KARS1: variants seen among roughly 807,000 people sequenced by gnomAD.
KARS1 encodes the protein lysyl-tRNA synthetase 1, also known as lysine--tRNA ligase.
Under a neutral mutation model 63.9 loss-of-function variants are expected in KARS1, and 50 were observed. That is an observed-to-expected ratio of 0.78 (90% confidence interval 0.62 to 0.99). The LOEUF (loss-of-function observed/expected upper bound fraction) is 0.99, where lower values mean the gene tolerates loss of function less well. Ranked by LOEUF, KARS1 falls within the 50% of genes least tolerant of loss-of-function variation. The probability of loss-of-function intolerance (pLI) is 0.00; values close to 1 mark genes in which losing one functional copy is unlikely to be tolerated. For synonymous variants in KARS1, 320 were observed against 264.6 expected (o/e 1.21, Z -2.03); for missense variants, 816 against 754.5 (o/e 1.08, Z -0.95).
At chr16:75,632,721 T>C (rs562927717) in intron 7 of KARS1, among the ~76,000 whole-genome samples, 1 of 152,160 alleles carries the variant, frequency 6.6e-6, no homozygotes, top group Non-Finnish European at 1.5e-5. Flanking sequence ...AGTTGTATAG[T>C]TTCCAAGCCT....
Position 75,631,197 on chromosome 16 carries a change from G to C in KARS1, c.1309C>G (p.Pro437Ala). The change falls in exon 10 of 14, where the codon CCT (proline) becomes GCT (alanine). Residue 437 changes from proline (P) to alanine (A), a missense_variant. By Grantham distance (27) the Pro-to-Ala change is conservative. Transcript: ENST00000302445. ...CVAKAVECPP[P>A]RTTARLLDKL... ...TCAAGGAGCCTGGCTGTGGTCCGAG[G>C]TGGAGGGCATTCAACAGCTTTTGCC... 6.2e-7 allele frequency: 1 copy of C among 1,614,048 alleles called. No homozygotes were observed. The highest frequency in any genetic ancestry group is 8.5e-7 in the Non-Finnish European group (1 of 1,179,952).
chr16:75,632,844 A>T (rs2082127138), intron 7 of KARS1, among the ~76,000 whole-genome samples: 1 of 152,212 alleles, frequency 6.6e-6, no homozygotes, highest in Non-Finnish European at 1.5e-5. Context: ...AATAGTCACA[A>T]ACCTTTTGGA....
intron 1 of KARS1, 41 bp downstream of exon 1, chr16:75,647,537 C>G: frequency 6.3e-7 from 1 of 1,593,246 alleles, no homozygotes; most frequent in Non-Finnish European, 8.6e-7. Flanking sequence ...AGCCCAGACT[C>G]TCCTACCGCA....
intron 7 of KARS1, among the ~76,000 whole-genome samples, chr16:75,633,674 C>T (rs183319225): frequency 3.9e-5 from 6 of 152,206 alleles, no homozygotes; most frequent in East Asian, 3.9e-4. Flanking sequence ...CATGCCACCA[C>T]GCCCAGCTAA....
At chr16:75,639,367 T>A (rs2082197623) in intron 3 of KARS1, among the ~76,000 whole-genome samples, 2 of 151,068 alleles carry the variant, frequency 1.3e-5, no homozygotes, top group South Asian at 4.2e-4. Context: ...AGGTCAGGAG[T>A]TCGAGACCAG....
intron 8 of KARS1, 48 bp from the exon 9 acceptor site, chr16:75,631,637 T>C: frequency 6.2e-7 from 1 of 1,613,666 alleles, no homozygotes; most frequent in Non-Finnish European, 8.5e-7. Context: ...CAGGCAGCCC[T>C]CCTCTGAAAG....
chr16:75,628,227 G>A lies in KARS1; in HGVS notation c.1696-234C>T, dbSNP rs139697087. Among the ~76,000 whole-genome samples, 347 of 152,294 alleles carry A rather than the reference G, an allele frequency of 2.3e-3. 1 individual carries two copies. Among genetic ancestry groups the A allele is most frequent in the African/African-American group, 8.0e-3 (332 of 41,560 alleles). ...CACTATGTCAAAAGGATGAATAGAC[G>A]CATTTCTATGAAAATTTGATTTCCT... On this transcript the variant is annotated intron_variant, in intron 13 of 13. Transcript: ENST00000302445.
Position 75,646,332 on chromosome 16 carries a change from C to G in KARS1, c.62+1246G>C, listed in dbSNP as rs573575716. Among the ~76,000 whole-genome samples, 24 of 152,158 alleles carry G rather than the reference C, an allele frequency of 1.6e-4. No homozygotes were observed. In the South Asian group the frequency reaches 4.6e-3, roughly 29 times the overall value. ...CCAAGGTGGGCGGATCACAAGGTAA[C>G]GAGATTGAGACCATCCTGCCCAACA... is the stretch of plus-strand genomic sequence containing the variant. On this transcript the variant is annotated intron_variant, in intron 1 of 13. Transcript: ENST00000302445.
intron 10 of KARS1, among the ~76,000 whole-genome samples, 167 bp from the exon 11 acceptor site, chr16:75,630,675 G>A (rs376963632): frequency 9.9e-5 from 15 of 151,734 alleles, no homozygotes; most frequent in African/African-American, 3.4e-4. Context: ...TCGCTCTGTC[G>A]CCCAGGCTGG....
intron 1 of KARS1, among the ~76,000 whole-genome samples, chr16:75,646,077 A>T (rs1343665151): frequency 6.6e-6 from 1 of 152,160 alleles, no homozygotes; most frequent in Admixed American, 6.5e-5. Flanking sequence ...AGTCAAGTCA[A>T]TTTTCTCTAA....
At chr16:75,631,338 C>G in intron 9 of KARS1, 78 bp downstream of exon 9, 1 of 1,582,646 alleles carries the variant, frequency 6.3e-7, no homozygotes, top group Non-Finnish European at 8.7e-7. Context: ...GTGGGAAATT[C>G]TAGCTCTGAC....
At chr16:75,630,305 C>A in intron 11 of KARS1, 118 bp downstream of exon 11, 1 of 707,412 alleles carries the variant, frequency 1.4e-6, no homozygotes, top group Admixed American at 2.0e-5. Flanking sequence ...CTTGGGTTAC[C>A]CTGGTCAACA....
Position 75,642,185 on chromosome 16 carries a change from CTTTTTTTTTTTTTTTTTTT to C in KARS1, c.63-481_63-463del, listed in dbSNP as rs148991591. On this transcript the variant is annotated intron_variant, in intron 1 of 13. Transcript: ENST00000302445. ...AGGTGAAGTTCCAACAGTGCCAGGT[CTTTTTTTTTTTTTTTTTTT>C]TTTTTTTTTTTTTTTATGAGACAGA... 3.5e-4 allele frequency among the ~76,000 whole-genome samples: 22 copies of C among 63,194 alleles called. No homozygotes were observed. The South Asian group carries it at 6.0e-3, about 17-fold the overall frequency. The allele number at this position is 63,194 out of a possible 152,430, so 41.5% of individuals were successfully genotyped here.
chr16:75,639,346 T>G lies in KARS1; in HGVS notation c.388+838A>C, dbSNP rs1186128062. On this transcript the variant is annotated intron_variant, in intron 3 of 13. Coordinates refer to ENST00000302445, the MANE Select transcript of KARS1 (RefSeq NM_005548.3). ...CAGCACTTTGGGAAGCCGAGGCAGG[T>G]GGATCACCTGAGGTCAGGAGTTCGA... Among the ~76,000 whole-genome samples, 5 of 151,786 alleles carry G rather than the reference T, an allele frequency of 3.3e-5. No homozygotes were observed. The South Asian group carries it at 6.2e-4, about 19-fold the overall frequency.
At chr16:75,643,656 G>C (rs1385740394) in intron 1 of KARS1, among the ~76,000 whole-genome samples, 1 of 152,182 alleles carries the variant, frequency 6.6e-6, no homozygotes. Flanking sequence ...TGGGATTACA[G>C]GCGTGAGCCA....
rs188921559 is a variant in KARS1 at position 75,628,014 on chromosome 16, C to T, written c.1696-21G>A. 4.9e-3 allele frequency: 6,956 copies of T among 1,415,436 alleles called. 28 individuals carry two copies. Among genetic ancestry groups the T allele is most frequent in the Non-Finnish European group, 6.5e-3 (6,469 of 998,862 alleles). The allele number at this position is 1,415,436 out of a possible 1,614,324, so 87.7% of individuals were successfully genotyped here. A position where few individuals can be genotyped will look rare whatever the true frequency, so the allele number is the denominator to read the frequency against. On this transcript the variant is annotated intron_variant, in intron 13 of 13. Transcript: ENST00000302445. ...ACTTCCTGTGGGAGATAAGAATGTA[C>T]CTTGAAGCTGAGAAGCACTCTCAAC...
intron 2 of KARS1, 86 bp downstream of exon 2, chr16:75,641,478 C>T: frequency 8.5e-7 from 1 of 1,180,848 alleles, no homozygotes; most frequent in Non-Finnish European, 1.2e-6. Context: ...ACTGGTCCCT[C>T]CTACTGTCCA....
At chr16:75,631,135 G>A in intron 10 of KARS1, 33 bp downstream of exon 10, 1 of 1,553,526 alleles carries the variant, frequency 6.4e-7, no homozygotes, top group South Asian at 1.1e-5. Flanking sequence ...AGCACCAGAT[G>A]AGGACATGTA....
rs111883921 is a variant in KARS1, at chr16:75,629,646, C to T, written c.1425-105G>A. On this transcript the variant is annotated intron_variant, in intron 11 of 13. Transcript: ENST00000302445. Reference sequence around the variant, plus strand: ...ACGGAGTCTCGCTCTGTCACGCAGGCTGGAGTGCAGTGGTGTGATCTCGGC... The same window carrying T: ...ACGGAGTCTCGCTCTGTCACGCAGGTTGGAGTGCAGTGGTGTGATCTCGGC... The T allele has an allele frequency of 1.6e-4, 197 of 1,243,602 alleles. 8 individuals are homozygous for T. The African/African-American group carries it at 1.8e-3, about 11-fold the overall frequency. 77.0% of individuals were successfully genotyped at this position (1,243,602 alleles called of 1,614,324 possible).
Sources: allele counts gnomAD v4.1 joint callset (sites outside exome capture counted in the v4.1 genomes callset), GRCh38; gene constraint gnomAD v4.1.1; transcripts MANE v1.5; gene names NCBI Gene and HGNC (gene_info 2026-07-23, HGNC 2026-07-21).